LHFPL3: variants seen among roughly 807,000 people sequenced by gnomAD.
The protein encoded by LHFPL3 is LHFPL tetraspan subfamily member 3.
LHFPL3 carries 5 observed loss-of-function variants against 19.3 expected under a neutral mutation model. That is an observed-to-expected ratio of 0.26 (90% CI 0.14 to 0.54). LHFPL3 has a LOEUF of 0.54. LHFPL3 is among the 20% of genes least tolerant of loss of function. The pLI is 0.94. For missense variants in LHFPL3, 249 were observed against 307.4 expected (o/e 0.81, Z 1.42); for synonymous variants, 133 against 126.2 (o/e 1.05, Z -0.36).
At chr7:104,901,653 G>A (rs1038769769) in intron 2 of LHFPL3, among the ~76,000 whole-genome samples, 6 of 151,900 alleles carry the variant, frequency 3.9e-5, no homozygotes, top group South Asian at 2.1e-4. Flanking sequence ...CTGCAGCCTC[G>A]ACCTCCTGGT....
intron 1 of LHFPL3, among the ~76,000 whole-genome samples, chr7:104,393,487 G>A (rs1333565200): frequency 1.3e-5 from 2 of 152,176 alleles, no homozygotes; most frequent in African/African-American, 2.4e-5. Flanking sequence ...GGAGGCCAAG[G>A]TGGGAGGATC....
At chr7:104,634,298 T>C (rs1162817595) in intron 1 of LHFPL3, among the ~76,000 whole-genome samples, 4 of 152,136 alleles carry the variant, frequency 2.6e-5, no homozygotes, top group Admixed American at 2.6e-4. Context: ...GCCAACATGG[T>C]TGGTTTTGTT....
At chr7:104,355,714 C>G (rs532055889) in intron 1 of LHFPL3, among the ~76,000 whole-genome samples, 1 of 152,288 alleles carries the variant, frequency 6.6e-6, no homozygotes, top group South Asian at 2.1e-4. Context: ...CCCCAAAAAG[C>G]CTTCCACAGA....
chr7:104,433,370 C>T (rs1175141244), intron 1 of LHFPL3, among the ~76,000 whole-genome samples: 2 of 152,184 alleles, frequency 1.3e-5, no homozygotes, highest in Non-Finnish European at 2.9e-5. Flanking sequence ...TGGAAACCCA[C>T]TCCCCCCAGG....
intron 2 of LHFPL3, among the ~76,000 whole-genome samples, chr7:104,813,901 T>C (rs1355249656): frequency 1.2e-4 from 19 of 152,218 alleles, no homozygotes; most frequent in Non-Finnish European, 2.9e-5. Flanking sequence ...CCACAGCTCT[T>C]CTTTCCTTCT....
chr7:104,759,745 G>A (rs1308675856), intron 2 of LHFPL3: 1 of 152,214 alleles, frequency 6.6e-6, no homozygotes, highest in East Asian at 1.9e-4. Flanking sequence ...GGGAAGGGAA[G>A]AGGAAAAGCA....
intron 1 of LHFPL3, among the ~76,000 whole-genome samples, chr7:104,681,154 C>CTTTTTTTTTT (rs35342944): frequency 2.3e-5 from 3 of 132,628 alleles, no homozygotes; most frequent in African/African-American, 5.6e-5. Flanking sequence ...TTCTTTTCTT[C>CTTTTTTTTTT]TTTTTTTTTT....
At chr7:104,770,208 A>C (rs74604397) in intron 2 of LHFPL3, among the ~76,000 whole-genome samples, 2,105 of 152,168 alleles carry the variant, frequency 0.014, 48 homozygotes, top group African/African-American at 0.048. Context: ...AAAAAGGTAG[A>C]TCACTTCCTC....
At chr7:104,344,454 A>T (rs193189539) in intron 1 of LHFPL3, among the ~76,000 whole-genome samples, 8 of 151,994 alleles carry the variant, frequency 5.3e-5, no homozygotes, top group Admixed American at 4.6e-4. Flanking sequence ...CCATCATATC[A>T]CTCTGTTTGC....
intron 1 of LHFPL3, among the ~76,000 whole-genome samples, chr7:104,608,361 T>C (rs10276435): frequency 0.96 from 145,487 of 151,774 alleles, 69,990 homozygotes; most frequent in East Asian, 1. Flanking sequence ...ATGGATGAAA[T>C]TGGAAATCAT....
At position 104,404,021 on chromosome 7, in the gene LHFPL3, G is replaced by A. The variant is rs572235123; in HGVS notation, c.445+74797G>A. On this transcript the variant is annotated intron_variant, in intron 1 of 2. Coordinates refer to ENST00000424859, the MANE Select transcript of LHFPL3 (RefSeq NM_199000.3). The stretch of plus-strand genomic sequence containing the variant: ...ATGCTAATTTGTTTACGTACTGTCT[G>A]TGGCTGCCCTTGTTCTATAACAGTA... 5.9e-5 allele frequency among the ~76,000 whole-genome samples: 9 copies of A among 152,270 alleles called. No individual in the cohort carries two copies. In the South Asian group the frequency reaches 1.9e-3, roughly 32 times the overall value.
chr7:104,568,479 T>TA (rs1316366712), intron 1 of LHFPL3, among the ~76,000 whole-genome samples: 2 of 152,218 alleles, frequency 1.3e-5, no homozygotes, highest in African/African-American at 4.8e-5. Flanking sequence ...TGGTAAATGT[T>TA]AAATAACTTA....
At chr7:104,891,220 G>A (rs1379970720) in intron 2 of LHFPL3, among the ~76,000 whole-genome samples, 2 of 151,730 alleles carry the variant, frequency 1.3e-5, no homozygotes, top group Non-Finnish European at 2.9e-5. Flanking sequence ...TTTTCAGGCA[G>A]CCCCCACAAT....
intron 2 of LHFPL3, among the ~76,000 whole-genome samples, chr7:104,820,439 C>G (rs1163328910): frequency 1.3e-5 from 2 of 152,190 alleles, no homozygotes; most frequent in South Asian, 2.1e-4. Flanking sequence ...CATGCCTTGT[C>G]AAACCAGAGG....
chr7:104,429,808 G>A lies in LHFPL3; in HGVS notation c.445+100584G>A, dbSNP rs80252882. On this transcript the variant is annotated intron_variant, in intron 1 of 2. Transcript: ENST00000424859. Reference sequence around the variant, plus strand: ...TATATGAGTCTGAGAGGTGACCGGAGCAAATCAACAAAGAATAATGCAGGT... The same window carrying A: ...TATATGAGTCTGAGAGGTGACCGGAACAAATCAACAAAGAATAATGCAGGT... 1.9e-3 allele frequency among the ~76,000 whole-genome samples: 283 copies of A among 152,100 alleles called. 4 individuals are homozygous for A. In the East Asian group the frequency reaches 0.051, roughly 28 times the overall value.
intron 2 of LHFPL3, among the ~76,000 whole-genome samples, chr7:104,897,213 C>T (rs1792382409): frequency 6.6e-6 from 1 of 152,154 alleles, no homozygotes; most frequent in Admixed American, 6.6e-5. Context: ...TTGTGGCTAA[C>T]CAGTGTCAGC....
At chr7:104,761,837 C>T (rs1794376428) in intron 2 of LHFPL3, among the ~76,000 whole-genome samples, 1 of 152,144 alleles carries the variant, frequency 6.6e-6, no homozygotes, top group South Asian at 2.1e-4. Context: ...ACCATATTGC[C>T]ATCCTTTTAA....
At chr7:104,421,601 G>A (rs1202874420) in intron 1 of LHFPL3, among the ~76,000 whole-genome samples, 1 of 152,188 alleles carries the variant, frequency 6.6e-6, no homozygotes, top group African/African-American at 2.4e-5. Context: ...AGCCAGAGAA[G>A]CCAGAGACAA....
chr7:104,388,835 G>GA (rs55998430), intron 1 of LHFPL3, among the ~76,000 whole-genome samples: 105,207 of 151,684 alleles, frequency 0.69, 37,901 homozygotes, highest in African/African-American at 0.9. Flanking sequence ...TTTTATGGTG[G>GA]AAAAAAAAGT....
Sources: gnomAD v4.1 joint callset for allele counts (sites outside exome capture counted in the v4.1 genomes callset) on GRCh38, gnomAD v4.1.1 for gene constraint, MANE v1.5 for transcripts, NCBI Gene and HGNC (gene_info 2026-07-23, HGNC 2026-07-21) for gene names.